The following AFG2B variants were observed in gnomAD, a reference collection of about 807,000 sequenced individuals.
AFG2B encodes the protein ATPase family gene 2 protein homolog B.
the AFG2B span, chr15:45,417,473 G>A: frequency 6.6e-7 from 1 of 1,511,358 alleles, no homozygotes. Context: ...TGTCCATGGT[G>A]TTCTACTTAC....
the AFG2B span, among the ~76,000 whole-genome samples, chr15:45,404,558 A>G: frequency 4.8e-3 from 732 of 152,228 alleles, 3 homozygotes; most frequent in African/African-American, 0.017. Flanking sequence ...TGCAATCTCA[A>G]TACTTTGGGA....
chr15:45,421,158 T>C, the AFG2B span: 1 of 1,610,718 alleles, frequency 6.2e-7, no homozygotes, highest in Non-Finnish European at 8.5e-7. Flanking sequence ...GACTTGGCTT[T>C]ATATGAAAAC....
the AFG2B span, among the ~76,000 whole-genome samples, chr15:45,420,573 T>TG: frequency 6.6e-6 from 1 of 152,240 alleles, no homozygotes; most frequent in Non-Finnish European, 1.5e-5. Context: ...GTCTGCAAAG[T>TG]GGATTTCTAA....
chr15:45,406,205 C>T, the AFG2B span, among the ~76,000 whole-genome samples: 3 of 152,224 alleles, frequency 2.0e-5, no homozygotes, highest in South Asian at 2.1e-4. Flanking sequence ...GTGGAATATT[C>T]GTCAGTTTGG....
the AFG2B span, chr15:45,421,276 T>C: frequency 1.8e-6 from 2 of 1,117,328 alleles, no homozygotes; most frequent in African/African-American, 1.6e-5. Context: ...CGTTTGCAAC[T>C]TCACACTTTT....
the AFG2B span, among the ~76,000 whole-genome samples, chr15:45,419,343 T>G: frequency 1.5e-4 from 23 of 151,838 alleles, no homozygotes; most frequent in African/African-American, 5.3e-4. Flanking sequence ...GGACTAGTAG[T>G]CCCAGCTACT....
chr15:45,415,030 A>G, the AFG2B span, among the ~76,000 whole-genome samples: 35 of 152,146 alleles, frequency 2.3e-4, no homozygotes, highest in African/African-American at 7.0e-4. Context: ...TAGGTTTTAT[A>G]TATCTATAGC....
chr15:45,414,879 T>A, the AFG2B span: 2 of 1,036,984 alleles, frequency 1.9e-6, no homozygotes, highest in Middle Eastern at 3.2e-4. Flanking sequence ...TTTTTTCCAG[T>A]TAAAAAATTT....
the AFG2B span, chr15:45,415,533 T>A: frequency 2.3e-6 from 3 of 1,331,554 alleles, no homozygotes; most frequent in Non-Finnish European, 3.1e-6. Flanking sequence ...AATAGTAATA[T>A]CACATGACTA....
At chr15:45,408,918 T>C in the AFG2B span, among the ~76,000 whole-genome samples, 2,090 of 152,230 alleles carry the variant, frequency 0.014, 12 homozygotes, top group Non-Finnish European at 0.021. Flanking sequence ...CCCCTCAACA[T>C]AGCATCCAAT....
At chr15:45,420,416 G>C in the AFG2B span, among the ~76,000 whole-genome samples, 1 of 152,200 alleles carries the variant, frequency 6.6e-6, no homozygotes, top group South Asian at 2.1e-4. Flanking sequence ...GCTGGCTGAA[G>C]ACTCTTCCCT....
chr15:45,414,518 A>C, the AFG2B span: 18 of 1,522,390 alleles, frequency 1.2e-5, no homozygotes, highest in Admixed American at 3.0e-4. Flanking sequence ...ACTGGATGAT[A>C]TGACATTTTA....
At chr15:45,403,497 G>T in the AFG2B span, 15 of 1,603,124 alleles carry the variant, frequency 9.4e-6, no homozygotes, top group African/African-American at 1.4e-5. Flanking sequence ...CGCTGCGTAG[G>T]CCCGGGAGAT....
the AFG2B span, chr15:45,402,952 G>A: frequency 6.3e-7 from 1 of 1,597,342 alleles, no homozygotes; most frequent in African/African-American, 1.3e-5. Context: ...TCCCGATCCC[G>A]CTGGGCTGGT....
At chr15:45,403,743 A>T in the AFG2B span, among the ~76,000 whole-genome samples, 1 of 152,132 alleles carries the variant, frequency 6.6e-6, no homozygotes, top group Non-Finnish European at 1.5e-5. Context: ...TCAGGATCTG[A>T]GAGTCAGGAC....
chr15:45,405,251 C>A, the AFG2B span: 4 of 1,427,198 alleles, frequency 2.8e-6, no homozygotes, highest in African/African-American at 2.9e-5. Context: ...TCCATGAGAT[C>A]AACTTTAAAA....
the AFG2B span, chr15:45,402,496 G>C: frequency 5.6e-6 from 9 of 1,609,738 alleles, no homozygotes; most frequent in Non-Finnish European, 7.6e-6. Context: ...AGACGCTAGA[G>C]ACCGGGGCAC....
chr15:45,402,926 T>G, the AFG2B span: 1 of 1,597,954 alleles, frequency 6.3e-7, no homozygotes, highest in Non-Finnish European at 8.5e-7. Flanking sequence ...TTGCACATCG[T>G]CGGCGGGACG....
chr15:45,402,989 G>T, the AFG2B span: 3 of 1,591,952 alleles, frequency 1.9e-6, no homozygotes, highest in East Asian at 2.3e-5. Flanking sequence ...GTCAGCCTTG[G>T]CGGGGAGCCT....
Sources: allele counts gnomAD v4.1 joint callset (sites outside exome capture counted in the v4.1 genomes callset), GRCh38; gene constraint gnomAD v4.1.1; transcripts MANE v1.5; gene names NCBI Gene and HGNC (gene_info 2026-07-23, HGNC 2026-07-21).